AFF2: variants seen among roughly 807,000 people sequenced by gnomAD.
AFF2 encodes the protein ALF transcription elongation factor 2.
Under a neutral mutation model 76.9 loss-of-function variants are expected in AFF2, and 14 were observed. That is an observed-to-expected ratio of 0.18 (90% CI 0.12 to 0.28). AFF2 has a LOEUF of 0.28. AFF2 is among the 10% of genes least tolerant of loss of function. The pLI is 1.00. For missense variants in AFF2, 868 were observed against 1,001.1 expected (o/e 0.87, Z 1.79); for synonymous variants, 398 against 366.7 (o/e 1.09, Z -0.98).
intron 3 of AFF2, among the ~76,000 whole-genome samples, chrX:148,708,606 C>A (rs782426489): frequency 3.6e-5 from 4 of 112,152 alleles, no homozygotes; most frequent in Non-Finnish European, 7.5e-5. Flanking sequence ...CCCAGATACT[C>A]GAGCGACTGA....
chrX:148,711,599 A>C (rs1017657118), intron 3 of AFF2, among the ~76,000 whole-genome samples: 1 of 112,314 alleles, frequency 8.9e-6, no homozygotes, highest in Non-Finnish European at 1.9e-5. Context: ...AAAACTATAA[A>C]AATTTGGTTA....
chrX:148,566,118 A>G (rs782454011), intron 1 of AFF2, among the ~76,000 whole-genome samples: 1 of 111,609 alleles, frequency 9.0e-6, no homozygotes, highest in Non-Finnish European at 1.9e-5. Context: ...AACACTTGCA[A>G]CAACTCTGTG....
chrX:148,884,381 G>A (rs111902178), intron 7 of AFF2, among the ~76,000 whole-genome samples: 1,690 of 111,955 alleles, frequency 0.015, 13 homozygotes, highest in Middle Eastern at 0.028. Flanking sequence ...TTTTTTTGGA[G>A]AGTTATTGGA....
chrX:148,658,884 G>A (rs1453497285), intron 2 of AFF2, among the ~76,000 whole-genome samples: 1 of 111,947 alleles, frequency 8.9e-6, no homozygotes, highest in Non-Finnish European at 1.9e-5. Context: ...TATAGACAGG[G>A]TATGAATTTT....
intron 3 of AFF2, among the ~76,000 whole-genome samples, chrX:148,796,763 G>GT (rs782561911): frequency 1.2e-3 from 137 of 111,790 alleles, no homozygotes; most frequent in African/African-American, 3.1e-3. Context: ...GAACAATTAT[G>GT]TTTTTTTCTT....
intron 4 of AFF2, among the ~76,000 whole-genome samples, chrX:148,834,592 T>A (rs1557273604): frequency 9.0e-6 from 1 of 110,528 alleles, no homozygotes; most frequent in Admixed American, 9.7e-5. Flanking sequence ...CTTGGTGTTG[T>A]GTACAGGTAC....
intron 3 of AFF2, among the ~76,000 whole-genome samples, chrX:148,698,630 T>C (rs2054749413): frequency 8.9e-6 from 1 of 112,274 alleles, no homozygotes; most frequent in Non-Finnish European, 1.9e-5. Flanking sequence ...TTATATGGTT[T>C]GCATAAACAA....
intron 7 of AFF2, among the ~76,000 whole-genome samples, chrX:148,864,840 C>G (rs1557276718): frequency 8.9e-6 from 1 of 111,870 alleles, no homozygotes; most frequent in Non-Finnish European, 1.9e-5. Flanking sequence ...CAAGCTCTCT[C>G]TCATCTGATG....
intron 4 of AFF2, among the ~76,000 whole-genome samples, chrX:148,820,010 A>C (rs1266658772): frequency 9.0e-6 from 1 of 111,565 alleles, no homozygotes; most frequent in Non-Finnish European, 1.9e-5. Flanking sequence ...CTAATACCAT[A>C]ATGTCTTAAT....
intron 1 of AFF2, among the ~76,000 whole-genome samples, chrX:148,634,244 A>G (rs2054007113): frequency 8.9e-6 from 1 of 111,928 alleles, no homozygotes; most frequent in African/African-American, 3.2e-5. Flanking sequence ...ATGTATCATC[A>G]TCTCTATGGT....
At chrX:148,791,997 T>A (rs183261485) in intron 3 of AFF2, among the ~76,000 whole-genome samples, 1 of 111,315 alleles carries the variant, frequency 9.0e-6, no homozygotes, top group Non-Finnish European at 1.9e-5. Flanking sequence ...GATTTATATA[T>A]ACATATAAAT....
chrX:148,950,202 T>C (rs1485877453), intron 9 of AFF2, among the ~76,000 whole-genome samples: 2 of 112,167 alleles, frequency 1.8e-5, no homozygotes, highest in African/African-American at 6.5e-5. Context: ...TTGTACTCAC[T>C]TTTTGTCCCT....
At chrX:148,753,778 C>T (rs1340834007) in intron 3 of AFF2, among the ~76,000 whole-genome samples, 1 of 111,171 alleles carries the variant, frequency 9.0e-6, no homozygotes, top group Non-Finnish European at 1.9e-5. Flanking sequence ...AAAAGTTTTC[C>T]GTAGACCACT....
intron 9 of AFF2, among the ~76,000 whole-genome samples, chrX:148,953,148 A>G (rs2071989581): frequency 8.9e-6 from 1 of 111,892 alleles, no homozygotes; most frequent in African/African-American, 3.3e-5. Flanking sequence ...ATGTTTAGCT[A>G]AGATCAGAGC....
chrX:148,876,056 C>T (rs1209670811), intron 7 of AFF2, among the ~76,000 whole-genome samples: 2 of 111,916 alleles, frequency 1.8e-5, no homozygotes, highest in South Asian at 3.7e-4. Context: ...TTCCTTCTTT[C>T]GATTTTTACT....
chrX:148,563,898 G>A (rs1296070209), intron 1 of AFF2, among the ~76,000 whole-genome samples: 1 of 111,472 alleles, frequency 9.0e-6, no homozygotes, highest in Non-Finnish European at 1.9e-5. Context: ...ACCAGCACAT[G>A]CCAGGTGTTT....
chrX:148,783,600 A>G (rs892385638), intron 3 of AFF2, among the ~76,000 whole-genome samples: 1 of 111,562 alleles, frequency 9.0e-6, no homozygotes, highest in Non-Finnish European at 1.9e-5. Context: ...TCTCCTATAG[A>G]CAACTAAATG....
intron 18 of AFF2, among the ~76,000 whole-genome samples, chrX:148,980,531 C>T (rs1352199388): frequency 3.6e-5 from 4 of 111,602 alleles, no homozygotes; most frequent in African/African-American, 1.3e-4. Flanking sequence ...TTTCATGGTC[C>T]TGATTGGAGC....
intron 1 of AFF2, among the ~76,000 whole-genome samples, chrX:148,631,718 G>A (rs953845872): frequency 8.9e-6 from 1 of 112,446 alleles, no homozygotes. Flanking sequence ...CAGAACCCGG[G>A]AGTTGTTGAG....
Sources: allele counts gnomAD v4.1 joint callset (sites outside exome capture counted in the v4.1 genomes callset), GRCh38; gene constraint gnomAD v4.1.1; transcripts MANE v1.5; gene names NCBI Gene and HGNC (gene_info 2026-07-23, HGNC 2026-07-21).